Variants in NIPBL observed in about 807,000 individuals in gnomAD.
NIPBL encodes the protein NIPBL cohesin loading factor, also known as nipped-B-like protein.
Under a neutral mutation model 321.8 loss-of-function variants are expected in NIPBL, and 19 were observed. That is an observed-to-expected ratio of 0.06 (90% confidence interval 0.04 to 0.09). The LOEUF (loss-of-function observed/expected upper bound fraction) is 0.09. NIPBL is among the 10% of genes least tolerant of loss of function. The pLI, the probability that NIPBL is intolerant of heterozygous loss-of-function variation, is 1.00. For synonymous variants in NIPBL, 1,106 were observed against 1,114.1 expected (o/e 0.99, Z 0.14); for missense variants, 2,210 against 3,327.0 (o/e 0.66, Z 8.26).
Position 36,975,820 on chromosome 5 carries a change from T to A in NIPBL, c.913T>A (p.Ser305Thr). 2.5e-6 allele frequency: 4 copies of A among 1,613,508 alleles called. No individual in the cohort carries two copies. Among genetic ancestry groups the A allele is most frequent in the Non-Finnish European group, 3.4e-6 (4 of 1,179,788 alleles). ...CCTACAATCTCAGTCTCTACCTTGT[T>A]CATCACCTCGAGATGTTCCACCAGA... ...LILQSQSLPC[S>T]SPRDVPPDIL... The change falls in exon 9 of 47, where the codon TCA becomes ACA. Residue 305 changes from serine to threonine, a missense_variant. Around this residue, in one of 14 missense-constraint regions of NIPBL, gnomAD observed 464 missense variants for 529.5 expected, o/e 0.88. Coordinates refer to ENST00000282516, the MANE Select transcript of NIPBL (RefSeq NM_133433.4).
chr5:36,973,023 A>C (rs1004335427), intron 8 of NIPBL, among the ~76,000 whole-genome samples: 4 of 152,174 alleles, frequency 2.6e-5, no homozygotes, highest in Non-Finnish European at 5.9e-5. Context: ...ATGGTCTTCT[A>C]TCTGTAACAG....
At chr5:37,062,581 T>G (rs1471521868) in intron 45 of NIPBL, among the ~76,000 whole-genome samples, 2 of 151,310 alleles carry the variant, frequency 1.3e-5, no homozygotes, top group East Asian at 3.9e-4. Flanking sequence ...AAATGGACAG[T>G]GGTGATAGTT....
intron 1 of NIPBL, among the ~76,000 whole-genome samples, chr5:36,896,341 A>G (rs1746734776): frequency 6.6e-6 from 1 of 152,176 alleles, no homozygotes; most frequent in African/African-American, 2.4e-5. Context: ...CTTTGTAGTA[A>G]GGTTTGAAAG....
rs183214651 is a variant in NIPBL, at chr5:36,902,406, C to G, written c.-80+25228C>G. On this transcript the variant is annotated intron_variant, in intron 1 of 46. Transcript: ENST00000282516. Reference sequence around the variant, plus strand: ...TATAGTTTAAATTTTACATTTCAGTCTTTAATCCATCTTGGGTTGATTTTT... The same window carrying G: ...TATAGTTTAAATTTTACATTTCAGTGTTTAATCCATCTTGGGTTGATTTTT... Among the ~76,000 whole-genome samples, 103 of 152,204 alleles carry G rather than the reference C, an allele frequency of 6.8e-4. 1 individual carries two copies. The highest frequency in any genetic ancestry group is 3.5e-3 in the Admixed American group (54 of 15,272).
chr5:36,946,196 A>G (rs1739651761), intron 1 of NIPBL, among the ~76,000 whole-genome samples: 2 of 151,862 alleles, frequency 1.3e-5, no homozygotes, highest in African/African-American at 4.8e-5. Flanking sequence ...TCATCTCTCC[A>G]AGTGGTGGCA....
chr5:36,925,244 C>T (rs1749261777), intron 1 of NIPBL, among the ~76,000 whole-genome samples: 1 of 151,354 alleles, frequency 6.6e-6, no homozygotes, highest in African/African-American at 2.4e-5. Flanking sequence ...TTGTCTTTTA[C>T]ACTTATTTTA....
At chr5:37,027,603 GTTTTTTTT>G (rs781358128) in intron 32 of NIPBL, among the ~76,000 whole-genome samples, 191 bp downstream of exon 32, 1 of 69,748 alleles carries the variant, frequency 1.4e-5, no homozygotes, top group Non-Finnish European at 2.4e-5. Context: ...CCTGGTTGTG[GTTTTTTTT>G]TTTTTTTTTT....
chr5:37,038,547 A>C (rs1191351914), intron 33 of NIPBL, 55 bp from the exon 34 acceptor site: 2 of 1,513,488 alleles, frequency 1.3e-6, no homozygotes, highest in Non-Finnish European at 1.8e-6. Context: ...TATTCTGTAT[A>C]GTTTCCACTA....
chr5:37,013,855 G>T (rs543234262), intron 21 of NIPBL, among the ~76,000 whole-genome samples: 2 of 152,350 alleles, frequency 1.3e-5, no homozygotes, highest in Admixed American at 1.3e-4. Flanking sequence ...GCCAAGGCAG[G>T]CTGCTGGGAG....
At chr5:37,010,317 T>A (rs1580460975) in intron 21 of NIPBL, 92 bp downstream of exon 21, 4 of 1,136,502 alleles carry the variant, frequency 3.5e-6, no homozygotes, top group Non-Finnish European at 5.1e-6. Flanking sequence ...AGTTCTTTTT[T>A]TTTCTTTCTT....
At chr5:36,927,347 A>C (rs1374182129) in intron 1 of NIPBL, among the ~76,000 whole-genome samples, 1 of 152,182 alleles carries the variant, frequency 6.6e-6, no homozygotes, top group Non-Finnish European at 1.5e-5. Flanking sequence ...AAACTTGTAG[A>C]TCATTATAAG....
intron 1 of NIPBL, among the ~76,000 whole-genome samples, chr5:36,898,672 C>T (rs1185637107): frequency 6.6e-6 from 1 of 152,054 alleles, no homozygotes; most frequent in Non-Finnish European, 1.5e-5. Context: ...CCATCACGCC[C>T]ACCCAATTTT....
At chr5:36,906,041 A>G (rs888665751) in intron 1 of NIPBL, among the ~76,000 whole-genome samples, 3 of 151,834 alleles carry the variant, frequency 2.0e-5, no homozygotes, top group East Asian at 1.9e-4. Flanking sequence ...ACTGCACCTG[A>G]CCCTGAAAAG....
At chr5:37,058,159 C>T (rs957013155) in intron 43 of NIPBL, among the ~76,000 whole-genome samples, 1 of 152,204 alleles carries the variant, frequency 6.6e-6, no homozygotes. Flanking sequence ...CCTCAGGCCC[C>T]ACCCAGATTT....
intron 9 of NIPBL, among the ~76,000 whole-genome samples, chr5:36,982,888 T>C (rs1457019328): frequency 1.3e-5 from 2 of 151,916 alleles, no homozygotes; most frequent in Non-Finnish European, 2.9e-5. Flanking sequence ...TTGATTAGTC[T>C]ACCATTTTAA....
chr5:36,903,413 A>G (rs1214235220), intron 1 of NIPBL, among the ~76,000 whole-genome samples: 2 of 152,152 alleles, frequency 1.3e-5, no homozygotes, highest in Non-Finnish European at 2.9e-5. Flanking sequence ...TTTGCTATAG[A>G]TGGCTCTTAC....
At chr5:36,954,806 G>T (rs1174329274) in intron 2 of NIPBL, among the ~76,000 whole-genome samples, 1 of 152,160 alleles carries the variant, frequency 6.6e-6, no homozygotes, top group Non-Finnish European at 1.5e-5. Context: ...TGATATTTTA[G>T]TGAGCTTTCT....
chr5:36,904,103 G>A (rs1475257383), intron 1 of NIPBL, among the ~76,000 whole-genome samples: 1 of 152,220 alleles, frequency 6.6e-6, no homozygotes, highest in Non-Finnish European at 1.5e-5. Flanking sequence ...GTGCTCGTAA[G>A]TAGGATGTTT....
chr5:37,037,405 ATATG>A (rs1238078836), intron 33 of NIPBL, among the ~76,000 whole-genome samples: 2 of 146,920 alleles, frequency 1.4e-5, no homozygotes, highest in African/African-American at 5.0e-5. Flanking sequence ...ATATATATAT[ATATG>A]TATATATATA....
Sources: allele counts gnomAD v4.1 joint callset (sites outside exome capture counted in the v4.1 genomes callset), GRCh38; gene constraint gnomAD v4.1.1; regional missense constraint gnomAD v4.1.1; transcripts MANE v1.5; gene names NCBI Gene and HGNC (gene_info 2026-07-23, HGNC 2026-07-21).